GALNT2: variants seen among roughly 807,000 people sequenced by gnomAD.
GALNT2 encodes the protein UDP-GalNAc:polypeptide N-acetylgalactosaminyltransferase 2.
A neutral mutation model predicts 81.4 loss-of-function variants in GALNT2; 31 were observed. The ratio of observed to expected loss-of-function variants is 0.38; its 90% CI spans 0.29 to 0.51. The LOEUF is 0.51. Among genes scored for constraint, GALNT2 ranks in the 20% least tolerant of loss-of-function variants. The pLI is 0.87. For missense variants in GALNT2, 629 were observed against 765.7 expected (o/e 0.82, Z 2.11); for synonymous variants, 303 against 287.4 (o/e 1.05, Z -0.55).
intron 1 of GALNT2, among the ~76,000 whole-genome samples, chr1:230,078,878 T>C (rs1659644992): frequency 6.6e-6 from 1 of 152,226 alleles, no homozygotes; most frequent in Admixed American, 6.5e-5. Context: ...ATCATGATCA[T>C]AGCTCACTGC....
chr1:230,208,729 C>T (rs936908044), intron 3 of GALNT2, among the ~76,000 whole-genome samples: 2 of 152,144 alleles, frequency 1.3e-5, no homozygotes, highest in Admixed American at 6.5e-5. Flanking sequence ...GCTGTGTTCC[C>T]GTGATCAGGA....
chr1:230,207,247 G>A (rs1277174437), intron 3 of GALNT2, among the ~76,000 whole-genome samples: 1 of 151,940 alleles, frequency 6.6e-6, no homozygotes, highest in Non-Finnish European at 1.5e-5. Flanking sequence ...GAAGGAAAGG[G>A]GGATATTTAA....
intron 1 of GALNT2, among the ~76,000 whole-genome samples, chr1:230,090,923 A>G (rs575598778): frequency 6.6e-6 from 1 of 152,284 alleles, no homozygotes; most frequent in Non-Finnish European, 1.5e-5. Flanking sequence ...TCTAGGAGTT[A>G]TCAATGGGGG....
rs542830623 is a variant in GALNT2 at position 230,088,416 on chromosome 1, CAG to C, written c.126+21011_126+21012del. Among the ~76,000 whole-genome samples the C allele has an allele frequency of 1.0e-3, 151 of 150,966 alleles. 1 individual carries two copies. The highest frequency in any genetic ancestry group is 3.4e-3 in the African/African-American group (137 of 40,890). The stretch of plus-strand genomic sequence containing the variant: ...GATTCATCTCTGTTGTTCTGTGTGA[CAG>C]GGTTTTTTTTTTAATTCATTTTTAT... On this transcript the variant is annotated intron_variant, in intron 1 of 15. Transcript: ENST00000366672.
At chr1:230,098,206 T>C (rs776045280) in intron 1 of GALNT2, among the ~76,000 whole-genome samples, 1 of 152,132 alleles carries the variant, frequency 6.6e-6, no homozygotes, top group Admixed American at 6.6e-5. Context: ...AGAATGAATG[T>C]GGAAGGAAAC....
At position 230,279,252 on chromosome 1, in the gene GALNT2, G is replaced by A. The variant is rs1158955531; in HGVS notation, c.1561-51G>A. On this transcript the variant is annotated intron_variant, in intron 15 of 15. Transcript: ENST00000366672. The surrounding 1 kb of genome is among the most constrained non-coding windows in gnomAD (Gnocchi z 4.6). ...GTCCTGAATTCACACGAATCTGTTT[G>A]TACTCCTTTGCTTGTGCCCACACTC... 4 of 1,569,696 alleles carry A rather than the reference G, an allele frequency of 2.5e-6. No individual in the cohort carries two copies. The highest frequency in any genetic ancestry group is 3.5e-6 in the Non-Finnish European group (4 of 1,150,666).
intron 1 of GALNT2, among the ~76,000 whole-genome samples, chr1:230,077,124 T>C (rs966483549): frequency 1.1e-4 from 17 of 152,316 alleles, no homozygotes; most frequent in African/African-American, 3.1e-4. Context: ...TAGGGGCATT[T>C]GTATGGCTGT....
rs1664894291 is a variant in GALNT2, at chr1:230,232,436, TC to T, written c.375-3576del. The stretch of plus-strand genomic sequence containing the variant: ...TCAAATGCTCCTGGGAGATGAGGCT[TC>T]CTGCAGAGAAAAGGAAACCGAGAGA... On this transcript the variant is annotated intron_variant, in intron 3 of 15. Coordinates refer to ENST00000366672, the MANE Select transcript of GALNT2 (RefSeq NM_004481.5). Among the ~76,000 whole-genome samples the T allele has an allele frequency of 3.3e-5, 5 of 152,202 alleles. No homozygotes were observed. The East Asian group carries it at 9.6e-4, about 29-fold the overall frequency.
At chr1:230,264,263 G>C (rs1665966113) in intron 13 of GALNT2, 1 of 152,274 alleles carries the variant, frequency 6.6e-6, no homozygotes, top group African/African-American at 2.4e-5. Context: ...TACACCTCCT[G>C]CCTGGTGTCC....
At position 230,275,066 on chromosome 1, in the gene GALNT2, GTATA is replaced by G. The variant is rs1006188102; in HGVS notation, c.1560+509_1560+512del. Among the ~76,000 whole-genome samples, 38 of 113,132 alleles carry G rather than the reference GTATA, an allele frequency of 3.4e-4. No homozygotes were observed. The highest frequency in any genetic ancestry group is 1.1e-3 in the African/African-American group (38 of 34,126). The allele number at this position is 113,132 out of a possible 152,430, so 74.2% of individuals were successfully genotyped here. A position where few individuals can be genotyped will look rare whatever the true frequency, so the allele number is the denominator to read the frequency against. ...ACATATATACATGCCACATATATAC[GTATA>G]TATATACACACCACATATATATACA... On this transcript the variant is annotated intron_variant, in intron 15 of 15. Coordinates refer to ENST00000366672, the MANE Select transcript of GALNT2 (RefSeq NM_004481.5). The surrounding 1 kb of genome is among the most constrained non-coding windows in gnomAD (Gnocchi z 5.5).
At chr1:230,230,270 T>C (rs1664829984) in intron 3 of GALNT2, among the ~76,000 whole-genome samples, 1 of 152,104 alleles carries the variant, frequency 6.6e-6, no homozygotes, top group Non-Finnish European at 1.5e-5. Context: ...GGTTTGTATC[T>C]CAGGGGCAGA....
At chr1:230,109,554 G>A (rs113737337) in intron 1 of GALNT2, among the ~76,000 whole-genome samples, 32,284 of 152,146 alleles carry the variant, frequency 0.21, 3,465 homozygotes, top group East Asian at 0.37. Context: ...TTGGCTGGGC[G>A]CAGTGGCTCA....
intron 1 of GALNT2, among the ~76,000 whole-genome samples, chr1:230,131,563 C>G (rs1483478173): frequency 6.6e-6 from 1 of 152,180 alleles, no homozygotes; most frequent in Non-Finnish European, 1.5e-5. Flanking sequence ...GTCTTAAGCA[C>G]TAGCCACCCA....
chr1:230,189,181 T>A (rs1663437378), intron 2 of GALNT2, among the ~76,000 whole-genome samples: 1 of 152,320 alleles, frequency 6.6e-6, no homozygotes, highest in East Asian at 1.9e-4. Flanking sequence ...ATTCTTGTAT[T>A]CCTTAGTAAC....
chr1:230,220,566 C>G (rs763262816), intron 3 of GALNT2, among the ~76,000 whole-genome samples: 1 of 152,052 alleles, frequency 6.6e-6, no homozygotes, highest in Non-Finnish European at 1.5e-5. Context: ...TTGCCACTCC[C>G]TCACTGTCAC....
In GALNT2 at chr1:230,262,965, C is replaced by G. The variant is rs757478232; in HGVS notation, c.1273C>G (p.Pro425Ala). 3 of 1,614,060 alleles carry G rather than the reference C, an allele frequency of 1.9e-6. No individual in the cohort carries two copies. The highest frequency in any genetic ancestry group is 2.5e-6 in the Non-Finnish European group (3 of 1,180,004). Reference protein sequence around the residue: ...LELRKKLSCKPFKWYLENVYP... With the variant: ...LELRKKLSCKAFKWYLENVYP... ...GCTTAGGAAGAAACTCAGCTGCAAG[C>G]CTTTCAAATGGTACCTTGAAAATGT... The change falls in exon 13 of 16, where the codon CCT becomes GCT. Residue 425 changes from proline to alanine, a missense_variant. Physicochemically the swap from Pro to Ala is conservative, Grantham distance 27 (BLOSUM62 -1). Around this residue, in one of 3 missense-constraint regions of GALNT2, gnomAD observed 207 missense variants for 225.5 expected, o/e 0.92. Transcript: ENST00000366672.
In GALNT2 at chr1:230,275,810, A is replaced by G. The variant is rs111162704; in HGVS notation, c.1560+1246A>G. Among the ~76,000 whole-genome samples, 4,926 of 151,562 alleles carry G rather than the reference A, an allele frequency of 0.033. 199 individuals carry two copies. The highest frequency in any genetic ancestry group is 0.093 in the African/African-American group (3,845 of 41,300). On this transcript the variant is annotated intron_variant, in intron 15 of 15. Coordinates refer to ENST00000366672, the MANE Select transcript of GALNT2 (RefSeq NM_004481.5). This position sits in a 1 kb window ranked among gnomAD's most constrained non-coding sequence, Gnocchi z 5.5. ...ATATATATACATGCCACATATATAT[A>G]CAAATATACATGCCACATATATACA...
At chr1:230,075,348 T>C (rs1659509773) in intron 1 of GALNT2, among the ~76,000 whole-genome samples, 1 of 152,118 alleles carries the variant, frequency 6.6e-6, no homozygotes, top group African/African-American at 2.4e-5. Context: ...CTCAAACTCC[T>C]GACCTCAAGT....
intron 3 of GALNT2, among the ~76,000 whole-genome samples, chr1:230,226,019 A>G (rs985088922): frequency 3.9e-5 from 6 of 152,196 alleles, no homozygotes; most frequent in African/African-American, 9.6e-5. Context: ...TGTGATAATC[A>G]GAAGTCTGTG....
Sources: allele counts gnomAD v4.1 joint callset (sites outside exome capture counted in the v4.1 genomes callset), GRCh38; gene constraint gnomAD v4.1.1; regional missense constraint gnomAD v4.1.1; non-coding constraint Gnocchi (gnomAD v3.1); transcripts MANE v1.5; gene names NCBI Gene and HGNC (gene_info 2026-07-23, HGNC 2026-07-21).